Variants in VSX1 observed in about 807,000 individuals in gnomAD.
VSX1 encodes the protein visual system homeobox 1.
VSX1 carries 23 observed loss-of-function variants against 23.6 expected under a neutral mutation model. That is an observed-to-expected ratio of 0.97 (90% CI 0.70 to 1.38). The LOEUF (loss-of-function observed/expected upper bound fraction) is 1.38, where lower values mean the gene tolerates loss of function less well. VSX1 is among the 40% of genes most tolerant of loss of function. The pLI is 0.00. For missense variants in VSX1, 517 were observed against 495.4 expected, an observed-to-expected ratio of 1.04 and a Z score of -0.41; for synonymous variants, 247 against 215.1, an observed-to-expected ratio of 1.15 and a Z score of -1.30.
chr20:25,081,637 G>T (rs984347309), intron 1 of VSX1, 36 bp downstream of exon 1: 12 of 1,532,484 alleles, frequency 7.8e-6, no homozygotes, highest in South Asian at 6.0e-5. Flanking sequence ...GAGCCTAGGG[G>T]ACAGGGGCAG....
chr20:25,079,284 T>A (rs1350333052), intron 2 of VSX1, 152 bp downstream of exon 2: 1 of 753,012 alleles, frequency 1.3e-6, no homozygotes, highest in Non-Finnish European at 2.1e-6. Context: ...CAGAATTATC[T>A]TCCCAAATGG....
At chr20:25,081,051 A>G (rs1171416855) in intron 1 of VSX1, among the ~76,000 whole-genome samples, 1 of 152,238 alleles carries the variant, frequency 6.6e-6, no homozygotes, top group African/African-American at 2.4e-5. Flanking sequence ...TGGGTAGGCC[A>G]GGAACACATC....
At chr20:25,080,694 G>A (rs2089620335) in intron 1 of VSX1, among the ~76,000 whole-genome samples, 1 of 152,184 alleles carries the variant, frequency 6.6e-6, no homozygotes, top group Non-Finnish European at 1.5e-5. Context: ...TTGTAAGAAA[G>A]AACCCATCCC....
At chr20:25,080,905 A>T (rs1027360652) in intron 1 of VSX1, among the ~76,000 whole-genome samples, 2 of 152,164 alleles carry the variant, frequency 1.3e-5, no homozygotes, top group African/African-American at 4.8e-5. Context: ...ATTCTACCAC[A>T]TACCATCCTT....
In VSX1 at chr20:25,081,708, C is replaced by T. The variant is rs112232028; in HGVS notation, c.389G>A (p.Gly130Asp). 2.9e-4 allele frequency: 439 copies of T among 1,505,176 alleles called. No homozygotes were observed. The highest frequency in any genetic ancestry group is 3.8e-4 in the Non-Finnish European group (434 of 1,135,140). 93.2% of individuals were successfully genotyped at this position (1,505,176 alleles called of 1,614,324 possible). A position where few individuals can be genotyped will look rare whatever the true frequency, so the allele number is the denominator to read the frequency against. Reference protein sequence around the residue: ...LAPSRPPPALGRQKRSDSVST... With the variant: ...LAPSRPPPALDRQKRSDSVST... ...GACGCTGTCGCTGCGCTTCTGGCGG[C>T]CGAGCGCAGGCGGCGGACGGCTGGG... The change falls in exon 1 of 5, where the codon GGC becomes GAC. Residue 130 changes from glycine to aspartate, a missense_variant. By Grantham distance (94) the Gly-to-Asp change is moderately conservative (BLOSUM62 -1). Coordinates refer to ENST00000376709, the MANE Select transcript of VSX1 (RefSeq NM_014588.6).
At chr20:25,070,983 A>T (rs771473999), downstream of VSX1, 4 of 453,688 alleles carry the variant, frequency 8.8e-6, no homozygotes, top group South Asian at 4.7e-5. Context: ...AGTGAAAAAA[A>T]GTCTTAAAAT....
In VSX1 at chr20:25,079,442, C is replaced by T. The variant is rs150297220; in HGVS notation, c.497G>A (p.Arg166Gln). 405 of 1,611,668 alleles carry T rather than the reference C, an allele frequency of 2.5e-4. No homozygotes were observed. Among genetic ancestry groups the T allele is most frequent in the Non-Finnish European group, 3.2e-4 (375 of 1,179,482 alleles). Residue 166 changes from arginine to glutamine, a missense_variant, in exon 2 of 5, where the codon CGG becomes CAG. Arg to Gln is a conservative substitution (Grantham distance 43, BLOSUM62 1). Coordinates refer to ENST00000376709, the MANE Select transcript of VSX1 (RefSeq NM_014588.6). Reference protein sequence around the residue: ...SPTLGKRKKRRHRTVFTAHQL... With the variant: ...SPTLGKRKKRQHRTVFTAHQL... ...GGACTGCCTGGCCCTATACCTGTGC[C>T]GCCGCTTCTTCCTCTTGCCCAAGGT...
intron 3 of VSX1, chr20:25,078,137 A>G: frequency 1.8e-6 from 1 of 546,080 alleles, no homozygotes; most frequent in Non-Finnish European, 3.3e-6. Context: ...CCATAGAGTC[A>G]GGAATGAAAA....
chr20:25,071,527 A>G (rs750848532), downstream of VSX1: 3 of 456,718 alleles, frequency 6.6e-6, no homozygotes, highest in Non-Finnish European at 1.3e-5. Context: ...GGAAGTCCAG[A>G]AAAGTCAGAA....
rs147741688 is a variant in VSX1 at position 25,076,356 on chromosome 20, C to T, written c.1003G>A (p.Glu335Lys). The stretch of plus-strand genomic sequence containing the variant: ...GCCCCAGGGTGCACTTTCTTGGTCT[C>T]CTGCCGGGCAGAGCTGGAGAGGTCA... ...AIDLSSSARQ[E>K]TKKVHPGAGA... Residue 335 changes from glutamate (E) to lysine (K), a missense_variant, in exon 5 of 5, where the codon GAG becomes AAG. Glu to Lys is a moderately conservative substitution (Grantham distance 56, BLOSUM62 1). Coordinates refer to ENST00000376709, the MANE Select transcript of VSX1 (RefSeq NM_014588.6). 66 of 1,614,178 alleles carry T rather than the reference C, an allele frequency of 4.1e-5. No individual in the cohort carries two copies. The African/African-American group carries it at 8.0e-4, about 20-fold the overall frequency.
At chr20:25,079,145 C>A (rs1314937408) in intron 2 of VSX1, among the ~76,000 whole-genome samples, 193 bp from the exon 3 acceptor site, 1 of 152,226 alleles carries the variant, frequency 6.6e-6, no homozygotes, top group Non-Finnish European at 1.5e-5. Flanking sequence ...AGTTCTTTAG[C>A]TCTTTCTTAA....
chr20:25,072,529 C>T (rs1214433710), downstream of VSX1: 8 of 470,938 alleles, frequency 1.7e-5, no homozygotes, highest in Non-Finnish European at 3.1e-5. Flanking sequence ...ACAGACTCAG[C>T]CATCACCTCG....
rs1368723347 is a variant in VSX1 at position 25,076,325 on chromosome 20, G to A, written c.1034C>T (p.Ala345Val). The change falls in exon 5 of 5, where the codon GCT becomes GTT. Residue 345 changes from alanine (A) to valine (V), a missense_variant. Transcript: ENST00000376709. ...ETKKVHPGAG[A>V]QGGSNSTALE... ...TGCCGTGGAGTTGGAGCCTCCTTGAGCACCAGCCCCAGGGTGCACTTTCTT... is the reference window on the plus strand; with the variant it reads ...TGCCGTGGAGTTGGAGCCTCCTTGAACACCAGCCCCAGGGTGCACTTTCTT... 6.2e-7 allele frequency: 1 copy of A among 1,614,194 alleles called. No homozygotes were observed. The highest frequency in any genetic ancestry group is 8.5e-7 in the Non-Finnish European group (1 of 1,180,030).
At chr20:25,078,569 A>C in intron 3 of VSX1, 1 of 1,337,782 alleles carries the variant, frequency 7.5e-7, no homozygotes, top group Non-Finnish European at 9.6e-7. Flanking sequence ...TTTCATTGAC[A>C]TATCTTTATA....
downstream of VSX1, chr20:25,070,951 T>C (rs1320768272): frequency 4.4e-6 from 2 of 450,868 alleles, no homozygotes; most frequent in Non-Finnish European, 8.9e-6. Flanking sequence ...TACTTCTTAG[T>C]AGGTGATCTT....
In VSX1 at chr20:25,076,313, G is replaced by C; in HGVS notation, c.1046C>G (p.Ser349Cys). The C allele has an allele frequency of 1.9e-6, 3 of 1,614,206 alleles. No homozygotes were observed. Among genetic ancestry groups the C allele is most frequent in the Non-Finnish European group, 2.5e-6 (3 of 1,180,046 alleles). Residue 349 changes from serine to cysteine, a missense_variant, in exon 5 of 5, where the codon TCC (serine) becomes TGC (cysteine). Ser to Cys is a moderately radical substitution (Grantham distance 112). Coordinates refer to ENST00000376709, the MANE Select transcript of VSX1 (RefSeq NM_014588.6). ...GGGCCCCTCCAGTGCCGTGGAGTTG[G>C]AGCCTCCTTGAGCACCAGCCCCAGG... ...VHPGAGAQGG[S>C]NSTALEGPQP...
chr20:25,081,684 A>G lies in VSX1; in HGVS notation c.413T>C (p.Val138Ala). The G allele has an allele frequency of 9.9e-6, 15 of 1,516,066 alleles. No homozygotes were observed. Among genetic ancestry groups the G allele is most frequent in the Non-Finnish European group, 1.2e-5 (14 of 1,138,938 alleles). 93.9% of individuals were successfully genotyped at this position (1,516,066 alleles called of 1,614,324 possible). ...ALGRQKRSDS[V>A]STSDEDSQSE... is the part of the protein sequence containing the mutation. The stretch of plus-strand genomic sequence containing the variant: ...GCGGGCCTGATTACCGGACGTGGAG[A>G]CGCTGTCGCTGCGCTTCTGGCGGCC... Residue 138 changes from valine to alanine, a missense_variant, in exon 1 of 5, where the codon GTC (valine) becomes GCC (alanine). Val to Ala is a moderately conservative substitution (Grantham distance 64). Transcript: ENST00000376709.
At chr20:25,081,211 A>T (rs1287774599) in intron 1 of VSX1, among the ~76,000 whole-genome samples, 1 of 149,676 alleles carries the variant, frequency 6.7e-6, no homozygotes. Flanking sequence ...GAGGCCCCGT[A>T]CTCTTCCAGG....
chr20:25,081,408 A>G lies in VSX1; in HGVS notation c.424+265T>C, dbSNP rs2089638944. Reference sequence around the variant, plus strand: ...TGTTGAAGACCCCAGGGTCTCATCAAAAGGTTCCACCCGGAACCAGGTGGT... The same window carrying G: ...TGTTGAAGACCCCAGGGTCTCATCAGAAGGTTCCACCCGGAACCAGGTGGT... On this transcript the variant is annotated intron_variant, in intron 1 of 4. Coordinates refer to ENST00000376709, the MANE Select transcript of VSX1 (RefSeq NM_014588.6). 9.4e-6 allele frequency: 7 copies of G among 743,834 alleles called. No homozygotes were observed. In the East Asian group the frequency reaches 1.8e-4, roughly 19 times the overall value. The allele number at this position is 743,834 out of a possible 1,614,324, so 46.1% of individuals were successfully genotyped here.
Sources: allele counts gnomAD v4.1 joint callset (sites outside exome capture counted in the v4.1 genomes callset), GRCh38; gene constraint gnomAD v4.1.1; transcripts MANE v1.5; gene names NCBI Gene and HGNC (gene_info 2026-07-23, HGNC 2026-07-21).